The following PLXNB1 variants were observed in gnomAD, a reference collection of about 807,000 sequenced individuals.
PLXNB1 encodes plexin-B1.
In PLXNB1, 106 loss-of-function variants were observed where a neutral mutation model predicts 209.4. The observed-to-expected ratio is 0.51, with a 90% confidence interval of 0.43 to 0.59. The LOEUF (loss-of-function observed/expected upper bound fraction) is 0.59. Among genes scored for constraint, PLXNB1 ranks in the 20% least tolerant of loss-of-function variants. PLXNB1 has a pLI of 0.00. For missense variants in PLXNB1, 2,357 were observed against 2,853.2 expected, an observed-to-expected ratio of 0.83 and a Z score of 3.96; for synonymous variants, 1,167 against 1,183.2, an observed-to-expected ratio of 0.99 and a Z score of 0.28.
In PLXNB1 at chr3:48,412,112, A is replaced by G. The variant is rs1043843305; in HGVS notation, c.5101-103T>C. On this transcript the variant is annotated intron_variant, in intron 27 of 37. Coordinates refer to ENST00000296440, the MANE Select transcript of PLXNB1 (RefSeq NM_001130082.3). ...ACAGGACATGGGCTTAAGGGGACTG[A>G]GGACAGGCTGAGCAGGAGTCTCTGC... 3 of 1,483,848 alleles carry G rather than the reference A, an allele frequency of 2.0e-6. No individual in the cohort carries two copies. In the African/African-American group the frequency reaches 4.1e-5, roughly 20 times the overall value. 91.9% of individuals were successfully genotyped at this position (1,483,848 alleles called of 1,614,324 possible).
intron 37 of PLXNB1, 50 bp from the exon 38 acceptor site, chr3:48,404,640 T>C (rs1205949895): frequency 2.3e-6 from 3 of 1,328,902 alleles, no homozygotes; most frequent in African/African-American, 2.9e-5. Context: ...GCCAACGTGT[T>C]TGCTGCAAAA....
Position 48,409,746 on chromosome 3 carries a change from A to C in PLXNB1, c.5779-15T>G, listed in dbSNP as rs745467058. ...TGCAGGGTGCCCTGTGGGAAGGAAG[A>C]AGCAGAGAGGTGTGGTCAGCAAAGG... is the stretch of plus-strand genomic sequence containing the variant. On this transcript the variant is annotated splice_polypyrimidine_tract_variant and intron_variant, in intron 32 of 37. Transcript: ENST00000296440. The surrounding 1 kb of genome is among the most constrained non-coding windows in gnomAD (Gnocchi z 5.8). 4 of 1,611,914 alleles carry C rather than the reference A, an allele frequency of 2.5e-6. No homozygotes were observed. Among genetic ancestry groups the C allele is most frequent in the East Asian group, 2.2e-5 (1 of 44,856 alleles).
Position 48,422,224 on chromosome 3 carries a change from C to A in PLXNB1, c.1420-19G>T. The stretch of plus-strand genomic sequence containing the variant: ...TCAGAAGCTGAGACAGCAAAGAGGA[C>A]CTGAGGCCAGCAATCCAAACACCAG... On this transcript the variant is annotated intron_variant, in intron 5 of 37. Coordinates refer to ENST00000296440, the MANE Select transcript of PLXNB1 (RefSeq NM_001130082.3). 6.2e-7 allele frequency: 1 copy of A among 1,613,056 alleles called. No homozygotes were observed. Among genetic ancestry groups the A allele is most frequent in the South Asian group, 1.1e-5 (1 of 91,040 alleles).
In PLXNB1 at chr3:48,417,121, T is replaced by C. The variant is rs149962316; in HGVS notation, c.3375-670A>G. Among the ~76,000 whole-genome samples, 47 of 152,330 alleles carry C rather than the reference T, an allele frequency of 3.1e-4. 1 individual carries two copies. Among genetic ancestry groups the C allele is most frequent in the Middle Eastern group, 3.4e-3 (1 of 294 alleles). On this transcript the variant is annotated intron_variant, in intron 16 of 37. Transcript: ENST00000296440. The surrounding 1 kb of genome is among the most constrained non-coding windows in gnomAD (Gnocchi z 4.4). ...TGCTTCATAAATCACAGCAGTCTTA[T>C]GGTCTGGAACACTAACAGTCTAGAT... is the stretch of plus-strand genomic sequence containing the variant.
chr3:48,406,733 G>A lies in PLXNB1; in HGVS notation c.6228+90C>T. The A allele has an allele frequency of 6.7e-7, 1 of 1,491,370 alleles. No individual in the cohort carries two copies. Among genetic ancestry groups the A allele is most frequent in the South Asian group, 1.3e-5 (1 of 75,244 alleles). The allele number at this position is 1,491,370 out of a possible 1,614,324, so 92.4% of individuals were successfully genotyped here. A position where few individuals can be genotyped will look rare whatever the true frequency, so the allele number is the denominator to read the frequency against. On this transcript the variant is annotated intron_variant, in intron 36 of 37. Transcript: ENST00000296440. The surrounding 1 kb of genome is among the most constrained non-coding windows in gnomAD (Gnocchi z 4.4). Reference sequence around the variant, plus strand: ...CTCACAGGGCTGCTGAGGTTCCCAAGGGCTTCCCTGCAAAGGGGCAGTGTG... The same window carrying A: ...CTCACAGGGCTGCTGAGGTTCCCAAAGGCTTCCCTGCAAAGGGGCAGTGTG...
At chr3:48,421,915 T>C (rs2038554331) in intron 6 of PLXNB1, 109 bp from the exon 7 acceptor site, 2 of 1,475,808 alleles carry the variant, frequency 1.4e-6, no homozygotes, top group Non-Finnish European at 1.8e-6. Context: ...AGAGTGGGCA[T>C]GATAGAGGCT....
intron 3 of PLXNB1, 33 bp downstream of exon 3, chr3:48,423,472 G>A: frequency 6.3e-7 from 1 of 1,594,562 alleles, no homozygotes; most frequent in Non-Finnish European, 8.6e-7. Context: ...TGGCCTCAGA[G>A]AGGCGGAAAA....
In PLXNB1 at chr3:48,410,652, A is replaced by C; in HGVS notation, c.5417-94T>G. ...CCTCCACAGGGACACCAGCCCCTCCATCATGGGGCAGCCTTACTCAACCTC... is the reference window on the plus strand; with the variant it reads ...CCTCCACAGGGACACCAGCCCCTCCCTCATGGGGCAGCCTTACTCAACCTC... On this transcript the variant is annotated intron_variant, in intron 29 of 37. Transcript: ENST00000296440. This position sits in a 1 kb window ranked among gnomAD's most constrained non-coding sequence, Gnocchi z 6.4. The C allele has an allele frequency of 9.0e-7, 1 of 1,112,586 alleles. No individual in the cohort carries two copies. The highest frequency in any genetic ancestry group is 1.3e-6 in the Non-Finnish European group (1 of 747,044). 68.9% of individuals were successfully genotyped at this position (1,112,586 alleles called of 1,614,324 possible).
chr3:48,415,384 C>G lies in PLXNB1; in HGVS notation c.3795-37G>C. On this transcript the variant is annotated intron_variant, in intron 19 of 37. Transcript: ENST00000296440. The surrounding 1 kb of genome is among the most constrained non-coding windows in gnomAD (Gnocchi z 5.0). ...CGTGAGCTTACGTAACGTAAGATGG[C>G]TTATGTTACCTGGACCTAAAGCACA... The G allele has an allele frequency of 6.3e-7, 1 of 1,596,474 alleles. No individual in the cohort carries two copies. The highest frequency in any genetic ancestry group is 1.1e-5 in the South Asian group (1 of 89,832).
intron 1 of PLXNB1, among the ~76,000 whole-genome samples, chr3:48,425,961 C>T (rs1382752064): frequency 2.0e-5 from 3 of 152,142 alleles, no homozygotes; most frequent in Admixed American, 1.3e-4. Flanking sequence ...CACAGAAACA[C>T]ACTGCAGGCA....
In PLXNB1 at chr3:48,412,576, G is replaced by A. The variant is rs2037762134; in HGVS notation, c.4899C>T (p.Asp1633=). 6.2e-7 allele frequency: 1 copy of A among 1,613,602 alleles called. No individual in the cohort carries two copies. The highest frequency in any genetic ancestry group is 8.5e-7 in the Non-Finnish European group (1 of 1,180,044). ...TGAGCAGAGATGCCACGTAGGCACG[G>A]TCCCGAGCTGAAAAGGTGCGCTGGC... ...LESQRTFSAR[D]RAYVASLLTV... is the part of the protein sequence containing the mutation. The change falls in exon 26 of 38, where the codon GAC becomes GAT. Residue 1633 remains aspartate, a synonymous_variant. Coordinates refer to ENST00000296440, the MANE Select transcript of PLXNB1 (RefSeq NM_001130082.3).
chr3:48,415,950 C>T lies in PLXNB1; in HGVS notation c.3617+81G>A. 6.7e-7 allele frequency: 1 copy of T among 1,493,178 alleles called. No homozygotes were observed. Among genetic ancestry groups the T allele is most frequent in the Non-Finnish European group, 9.1e-7 (1 of 1,104,854 alleles). 92.5% of individuals were successfully genotyped at this position (1,493,178 alleles called of 1,614,324 possible). ...GAGCAGACTGGCCCTCTTCCCCTTTCTGCTCTCCCCAGGATCTCAGACCCC... is the reference window on the plus strand; with the variant it reads ...GAGCAGACTGGCCCTCTTCCCCTTTTTGCTCTCCCCAGGATCTCAGACCCC... On this transcript the variant is annotated intron_variant, in intron 18 of 37. Transcript: ENST00000296440. The surrounding 1 kb of genome is among the most constrained non-coding windows in gnomAD (Gnocchi z 5.0).
Position 48,417,535 on chromosome 3 carries a change from C to T in PLXNB1, c.3374+376G>A, listed in dbSNP as rs1483981134. ...AGAGCCTGGCAGCCCAGGACAATGC[C>T]TGGGGAAGAGTGAGCTGGTGAGAAG... On this transcript the variant is annotated intron_variant, in intron 16 of 37. Transcript: ENST00000296440. This position sits in a 1 kb window ranked among gnomAD's most constrained non-coding sequence, Gnocchi z 4.4. Among the ~76,000 whole-genome samples, 1 of 152,216 alleles carries T rather than the reference C, an allele frequency of 6.6e-6. No homozygotes were observed. Among genetic ancestry groups the T allele is most frequent in the Non-Finnish European group, 1.5e-5 (1 of 68,032 alleles).
chr3:48,424,018 G>C lies in PLXNB1; in HGVS notation c.594C>G (p.Phe198Leu). ...CCAGCTTGGCTGTCTCCTCATAGGAGAAGGCAGCTTGGGGGTCGGGCGGCC... is the reference window on the plus strand; with the variant it reads ...CCAGCTTGGCTGTCTCCTCATAGGACAAGGCAGCTTGGGGGTCGGGCGGCC... ...ALWPPDPQAA[F>L]SYEETAKLAV... Residue 198 changes from phenylalanine to leucine, a missense_variant, in exon 3 of 38, where the codon TTC (phenylalanine) becomes TTG (leucine). Around this residue, in one of 7 missense-constraint regions of PLXNB1, gnomAD observed 404 missense variants for 443.6 expected, o/e 0.91. Coordinates refer to ENST00000296440, the MANE Select transcript of PLXNB1 (RefSeq NM_001130082.3). 1 of 1,610,494 alleles carries C rather than the reference G, an allele frequency of 6.2e-7. No individual in the cohort carries two copies. Among genetic ancestry groups the C allele is most frequent in the Non-Finnish European group, 8.5e-7 (1 of 1,178,014 alleles).
rs1281697562 is a variant in PLXNB1, at chr3:48,421,420, G to C, written c.1654-36C>G. Reference sequence around the variant, plus strand: ...AGCCAGGGACACACTGTTGGGGCTAGTGGGCAGCAGACCAGGGCTCACATT... The same window carrying C: ...AGCCAGGGACACACTGTTGGGGCTACTGGGCAGCAGACCAGGGCTCACATT... On this transcript the variant is annotated intron_variant, in intron 7 of 37. Coordinates refer to ENST00000296440, the MANE Select transcript of PLXNB1 (RefSeq NM_001130082.3). The C allele has an allele frequency of 3.3e-6, 5 of 1,513,100 alleles. No individual in the cohort carries two copies. In the African/African-American group the frequency reaches 7.0e-5, roughly 21 times the overall value. 93.7% of individuals were successfully genotyped at this position (1,513,100 alleles called of 1,614,324 possible). A position where few individuals can be genotyped will look rare whatever the true frequency, so the allele number is the denominator to read the frequency against.
chr3:48,422,627 C>G (rs902209363), intron 4 of PLXNB1, 138 bp downstream of exon 4: 2 of 1,224,874 alleles, frequency 1.6e-6, no homozygotes, highest in Non-Finnish European at 2.3e-6. Context: ...AGGTAAACAC[C>G]ACCCAGTCCT....
rs760580223 is a variant in PLXNB1, at chr3:48,420,220, C to G, written c.2066G>C (p.Gly689Ala). The change falls in exon 11 of 38, where the codon GGA (glycine) becomes GCA (alanine). Residue 689 changes from glycine to alanine, a missense_variant. Physicochemically the swap from Gly to Ala is moderately conservative, Grantham distance 60. Transcript: ENST00000296440. ...GGCTGTGGGTGGGGAGGGGCTGGGT[C>G]CACCTCTTGCAGGAGGGTCTGGGGA... ...LVSPDPPARG[G>A]PSPSPPTAPK... The G allele has an allele frequency of 1.3e-6, 2 of 1,553,216 alleles. No homozygotes were observed. Among genetic ancestry groups the G allele is most frequent in the Middle Eastern group, 1.7e-4 (1 of 5,798 alleles).
intron 2 of PLXNB1, among the ~76,000 whole-genome samples, chr3:48,424,889 C>T (rs2038801563): frequency 6.6e-6 from 1 of 152,162 alleles, no homozygotes; most frequent in Non-Finnish European, 1.5e-5. Context: ...ACCCCACTCA[C>T]CATCCCCCCA....
intron 1 of PLXNB1, among the ~76,000 whole-genome samples, chr3:48,425,739 T>C (rs997731058): frequency 2.0e-5 from 3 of 151,728 alleles, no homozygotes; most frequent in African/African-American, 7.3e-5. Flanking sequence ...CCACCAGCGC[T>C]TCAGCAGACA....
Sources: allele counts gnomAD v4.1 joint callset (sites outside exome capture counted in the v4.1 genomes callset), GRCh38; gene constraint gnomAD v4.1.1; regional missense constraint gnomAD v4.1.1; non-coding constraint Gnocchi (gnomAD v3.1); transcripts MANE v1.5; gene names NCBI Gene and HGNC (gene_info 2026-07-23, HGNC 2026-07-21).